The following COL21A1 variants were observed in gnomAD, a reference collection of about 807,000 sequenced individuals.
COL21A1 encodes the protein collagen alpha-1(XXI) chain.
Under a neutral mutation model 137.9 loss-of-function variants are expected in COL21A1, and 149 were observed. That is an observed-to-expected ratio of 1.08 (90% CI 0.95 to 1.24). The LOEUF is 1.24. COL21A1 is among the 50% of genes most tolerant of loss of function. The pLI is 0.00. For synonymous variants in COL21A1, 456 were observed against 391.5 expected, an observed-to-expected ratio of 1.16 and a Z score of -1.95; for missense variants, 1,167 against 1,158.4, an observed-to-expected ratio of 1.01 and a Z score of -0.11.
At chr6:56,240,581 C>T (rs1782234960) in intron 1 of COL21A1, among the ~76,000 whole-genome samples, 1 of 152,204 alleles carries the variant, frequency 6.6e-6, no homozygotes, top group African/African-American at 2.4e-5. Flanking sequence ...TTCATGCTGA[C>T]TTAAACTCTA....
At position 56,180,071 on chromosome 6, in the gene COL21A1, G is replaced by A. The variant is rs760520935; in HGVS notation, c.147C>T (p.Gly49=). The A allele has an allele frequency of 1.2e-6, 2 of 1,613,496 alleles. No individual in the cohort carries two copies. The highest frequency in any genetic ancestry group is 2.7e-5 in the African/African-American group (2 of 74,862). ...TTTTCACTATTTCAAAGTTTTCTGGGCCAACACTATAAGAGCCATCTAAGA... is the reference window on the plus strand; with the variant it reads ...TTTTCACTATTTCAAAGTTTTCTGGACCAACACTATAAGAGCCATCTAAGA... ...VFILDGSYSV[G]PENFEIVKKW... is the part of the protein sequence containing the mutation. Residue 49 remains glycine, a synonymous_variant, in exon 3 of 30, where the codon GGC becomes GGT. Transcript: ENST00000244728.
chr6:56,124,034 T>G, intron 16 of COL21A1, 28 bp downstream of exon 16: 1 of 1,469,856 alleles, frequency 6.8e-7, no homozygotes. Context: ...TCTTTTTGTT[T>G]TGTCCTTTTT....
intron 1 of COL21A1, among the ~76,000 whole-genome samples, chr6:56,369,028 T>A (rs1766164265): frequency 6.6e-6 from 1 of 152,142 alleles, no homozygotes; most frequent in Non-Finnish European, 1.5e-5. Context: ...GGAGTACAGA[T>A]TGCTTAGAAA....
intron 1 of COL21A1, among the ~76,000 whole-genome samples, chr6:56,235,803 T>G (rs965834418): frequency 4.0e-5 from 6 of 151,722 alleles, no homozygotes; most frequent in African/African-American, 7.3e-5. Flanking sequence ...GATGACTAAC[T>G]GATGGAATAG....
chr6:56,353,665 T>C (rs952984889), intron 1 of COL21A1, among the ~76,000 whole-genome samples: 2 of 152,232 alleles, frequency 1.3e-5, no homozygotes, highest in Admixed American at 6.5e-5. Flanking sequence ...CATCCAATAG[T>C]TGTTTCCATA....
At chr6:56,162,205 G>C (rs1359558500) in intron 9 of COL21A1, among the ~76,000 whole-genome samples, 3 of 152,168 alleles carry the variant, frequency 2.0e-5, no homozygotes, top group Admixed American at 6.5e-5. Context: ...TCTGGGTAAG[G>C]AACCACTTCC....
intron 1 of COL21A1, among the ~76,000 whole-genome samples, chr6:56,268,591 T>C (rs1199671132): frequency 2.6e-5 from 4 of 152,196 alleles, no homozygotes; most frequent in African/African-American, 4.8e-5. Flanking sequence ...AAAGATCCTG[T>C]ACTGAGACTT....
chr6:56,106,887 C>T (rs557967796), intron 16 of COL21A1, among the ~76,000 whole-genome samples: 2 of 152,018 alleles, frequency 1.3e-5, no homozygotes, highest in African/African-American at 2.4e-5. Context: ...CCCGGGTTCA[C>T]GCCATTCTCC....
At chr6:56,277,959 G>T (rs1763706633) in intron 1 of COL21A1, among the ~76,000 whole-genome samples, 1 of 151,998 alleles carries the variant, frequency 6.6e-6, no homozygotes, top group African/African-American at 2.4e-5. Context: ...ATATAATTTT[G>T]GTCAACATTA....
At chr6:56,301,264 A>T (rs1471588564) in intron 1 of COL21A1, among the ~76,000 whole-genome samples, 1 of 152,176 alleles carries the variant, frequency 6.6e-6, no homozygotes, top group Admixed American at 6.6e-5. Flanking sequence ...GATCATTTTA[A>T]GGAGGCACAA....
chr6:56,129,706 G>GAGAC (rs1582436215), intron 12 of COL21A1, among the ~76,000 whole-genome samples: 1 of 147,410 alleles, frequency 6.8e-6, no homozygotes, highest in Non-Finnish European at 1.5e-5. Context: ...GTGTGAGAGA[G>GAGAC]AGAGAGAGAG....
Position 56,344,835 on chromosome 6 carries a change from G to A in COL21A1, c.-39+49136C>T, listed in dbSNP as rs1270921755. 6.7e-5 allele frequency among the ~76,000 whole-genome samples: 5 copies of A among 74,126 alleles called. No homozygotes were observed. In the Admixed American group the frequency reaches 6.7e-4, roughly 10 times the overall value. The allele number at this position is 74,126 out of a possible 152,430, so 48.6% of individuals were successfully genotyped here. On this transcript the variant is annotated intron_variant, in intron 1 of 28. Coordinates refer to the COL21A1 transcript ENST00000370819. ...TCCTCCTGCTTCAGCTATGTAGGAC[G>A]TGCCTGCTTCCCCTTTGCCTTCCAC...
intron 1 of COL21A1, among the ~76,000 whole-genome samples, chr6:56,192,123 G>C (rs954291926): frequency 1.1e-4 from 16 of 152,130 alleles, no homozygotes; most frequent in Admixed American, 8.5e-4. Flanking sequence ...TTAATAAATG[G>C]TGTTGGGAAA....
At chr6:56,114,309 G>A (rs1415015715) in intron 16 of COL21A1, among the ~76,000 whole-genome samples, 1 of 152,200 alleles carries the variant, frequency 6.6e-6, no homozygotes, top group East Asian at 1.9e-4. Flanking sequence ...AGTGGTGGTG[G>A]TTACAGGGGT....
At chr6:56,331,131 T>A (rs959106920) in intron 1 of COL21A1, among the ~76,000 whole-genome samples, 7 of 152,134 alleles carry the variant, frequency 4.6e-5, no homozygotes, top group Admixed American at 2.0e-4. Context: ...TTTGCCCACT[T>A]TTTAATGGAG....
intron 1 of COL21A1, among the ~76,000 whole-genome samples, chr6:56,322,204 G>A (rs1764885834): frequency 6.6e-6 from 1 of 152,100 alleles, no homozygotes; most frequent in Non-Finnish European, 1.5e-5. Flanking sequence ...TCAGTGAGAT[G>A]CACTGAAAAC....
rs561684842 is a variant in COL21A1, at chr6:56,270,806, G to A, written c.-38-88150C>T. ...TGTGGCACTTCCTCCCTCATGCTCT[G>A]TCTCCTGTCACCTCATGAAGAAGGT... On this transcript the variant is annotated intron_variant, in intron 1 of 28. Transcript: ENST00000370819. Among the ~76,000 whole-genome samples, 3 of 152,258 alleles carry A rather than the reference G, an allele frequency of 2.0e-5. No homozygotes were observed. In the East Asian group the frequency reaches 5.8e-4, roughly 29 times the overall value.
intron 1 of COL21A1, among the ~76,000 whole-genome samples, chr6:56,312,604 G>A (rs772339168): frequency 1.3e-5 from 2 of 152,094 alleles, no homozygotes; most frequent in Non-Finnish European, 2.9e-5. Context: ...CAATAGCCAG[G>A]AATAATATAC....
At chr6:56,273,331 G>GA (rs1341002104) in intron 1 of COL21A1, among the ~76,000 whole-genome samples, 1 of 150,952 alleles carries the variant, frequency 6.6e-6, no homozygotes, top group Non-Finnish European at 1.5e-5. Context: ...ACAAGAACTA[G>GA]AAAAAAAGAA....
Sources: gnomAD v4.1 joint callset for allele counts (sites outside exome capture counted in the v4.1 genomes callset) on GRCh38, gnomAD v4.1.1 for gene constraint, MANE v1.5 for transcripts, NCBI Gene and HGNC (gene_info 2026-07-23, HGNC 2026-07-21) for gene names.